Variants in KIF5C observed in about 807,000 individuals in gnomAD.
KIF5C encodes the protein kinesin family member 5C.
Under a neutral mutation model 125.2 loss-of-function variants are expected in KIF5C, and 18 were observed. That is an observed-to-expected ratio of 0.14 (90% CI 0.10 to 0.21). KIF5C has a LOEUF of 0.21. KIF5C is among the 10% of genes least tolerant of loss of function. KIF5C has a pLI of 1.00. For synonymous variants in KIF5C, 405 were observed against 434.0 expected (o/e 0.93, Z 0.83); for missense variants, 780 against 1,183.8 (o/e 0.66, Z 5.01).
At chr2:149,022,121 C>G (rs147093787) in intron 25 of KIF5C, among the ~76,000 whole-genome samples, 2 of 152,236 alleles carry the variant, frequency 1.3e-5, no homozygotes, top group Non-Finnish European at 2.9e-5. Flanking sequence ...CGAAGCATAC[C>G]TTTGGGAACT....
At chr2:148,937,232 A>C (rs373694182) in intron 3 of KIF5C, 52 bp from the exon 4 acceptor site, 2 of 1,547,120 alleles carry the variant, frequency 1.3e-6, no homozygotes, top group Admixed American at 3.9e-5. Context: ...CCTCTCTCTC[A>C]TGTGTCTCCC....
At chr2:148,941,293 C>A (rs868267611) in intron 4 of KIF5C, among the ~76,000 whole-genome samples, 2 of 152,172 alleles carry the variant, frequency 1.3e-5, no homozygotes, top group South Asian at 4.1e-4. Context: ...GTTTTCTAAG[C>A]GTGCTTGGTG....
intron 22 of KIF5C, among the ~76,000 whole-genome samples, chr2:149,007,430 C>A (rs2105195840): frequency 6.6e-6 from 1 of 152,236 alleles, no homozygotes; most frequent in East Asian, 1.9e-4. Flanking sequence ...CACCCGGATG[C>A]TATGATTAAT....
At chr2:148,918,515 G>T (rs2105077274) in intron 1 of KIF5C, among the ~76,000 whole-genome samples, 1 of 152,322 alleles carries the variant, frequency 6.6e-6, no homozygotes, top group Non-Finnish European at 1.5e-5. Context: ...CTAGGACCAT[G>T]AAAACTTTCA....
chr2:149,024,094 A>C lies in KIF5C; in HGVS notation c.*1024A>C, dbSNP rs1304272281. On this transcript the variant is annotated 3_prime_UTR_variant, in exon 26 of 26. Transcript: ENST00000435030. ...GTTGCCATGAATAAGTTATTATTTT[A>C]ACCCATAATTGGCGACTGTTTATAT... 6.6e-6 allele frequency: 1 copy of C among 152,452 alleles called. No individual in the cohort carries two copies. Among genetic ancestry groups the C allele is most frequent in the Non-Finnish European group, 1.5e-5 (1 of 68,018 alleles). The allele number at this position is 152,452 out of a possible 1,614,324, so 9.4% of individuals were successfully genotyped here.
intron 1 of KIF5C, among the ~76,000 whole-genome samples, chr2:148,913,237 G>A (rs1375051622): frequency 2.0e-5 from 3 of 152,160 alleles, no homozygotes; most frequent in Non-Finnish European, 4.4e-5. Context: ...GCAATATGGT[G>A]TTATGGGTAG....
intron 18 of KIF5C, chr2:148,998,058 G>A: frequency 3.1e-6 from 1 of 325,266 alleles, no homozygotes; most frequent in South Asian, 3.6e-5. Context: ...CAGGTTACAG[G>A]CTTATCTGGA....
chr2:148,988,679 TCTC>T (rs1400077223), intron 15 of KIF5C, among the ~76,000 whole-genome samples: 1 of 152,180 alleles, frequency 6.6e-6, no homozygotes, highest in Non-Finnish European at 1.5e-5. Flanking sequence ...TTCTCATCCT[TCTC>T]CTACACTGGA....
At chr2:148,926,605 T>C (rs1445620714) in intron 2 of KIF5C, among the ~76,000 whole-genome samples, 1 of 152,152 alleles carries the variant, frequency 6.6e-6, no homozygotes, top group African/African-American at 2.4e-5. Flanking sequence ...CCTCTGCCTG[T>C]GGTCGCGGTG....
chr2:149,008,201 A>G, intron 23 of KIF5C, 134 bp downstream of exon 23: 1 of 1,149,396 alleles, frequency 8.7e-7, no homozygotes, highest in Non-Finnish European at 1.1e-6. Context: ...AGAGGACATG[A>G]GGGCTGGAAA....
intron 1 of KIF5C, among the ~76,000 whole-genome samples, chr2:148,908,933 GCA>G (rs1174907131): frequency 6.6e-6 from 1 of 152,156 alleles, no homozygotes; most frequent in East Asian, 1.9e-4. Context: ...GGCCAGTATG[GCA>G]CAAAAGCAGT....
intron 2 of KIF5C, among the ~76,000 whole-genome samples, chr2:148,928,173 C>T (rs1014064547): frequency 1.6e-4 from 25 of 152,058 alleles, no homozygotes; most frequent in African/African-American, 5.3e-4. Flanking sequence ...CAAAAACAAA[C>T]CAGCATCATA....
chr2:148,913,138 A>G (rs1681407302), intron 1 of KIF5C, among the ~76,000 whole-genome samples: 1 of 152,224 alleles, frequency 6.6e-6, no homozygotes, highest in East Asian at 1.9e-4. Flanking sequence ...GAAGCAAGCC[A>G]TTGCACTCTA....
chr2:148,936,131 A>G (rs1682284912), intron 3 of KIF5C, among the ~76,000 whole-genome samples: 1 of 152,144 alleles, frequency 6.6e-6, no homozygotes, highest in Admixed American at 6.5e-5. Context: ...TCTACAAAAA[A>G]TACAAAAAAT....
At chr2:148,875,787 A>T in intron 1 of KIF5C, 44 bp downstream of exon 1, 1 of 1,572,710 alleles carries the variant, frequency 6.4e-7, no homozygotes, top group African/African-American at 1.3e-5. Context: ...TCCGCGCCGC[A>T]GCTGGGCGCC....
rs949363323 is a variant in KIF5C at position 148,942,653 on chromosome 2, C to G, written c.502-20C>G. ...CTTTTCAACTCTTTCAGTGGTGAAC[C>G]TGAACTGATTCTCTTCCAGGGGTGC... On this transcript the variant is annotated intron_variant, in intron 6 of 25. Transcript: ENST00000435030. The G allele has an allele frequency of 3.7e-6, 6 of 1,601,516 alleles. No individual in the cohort carries two copies.
At chr2:148,881,111 G>A (rs1303455582) in intron 1 of KIF5C, among the ~76,000 whole-genome samples, 6 of 152,018 alleles carry the variant, frequency 3.9e-5, no homozygotes, top group African/African-American at 4.8e-5. Flanking sequence ...CTCAATAGGC[G>A]CTGATTACCT....
intron 25 of KIF5C, among the ~76,000 whole-genome samples, chr2:149,013,412 A>G (rs1375105453): frequency 3.9e-5 from 6 of 152,290 alleles, no homozygotes; most frequent in South Asian, 4.1e-4. Context: ...GCCCCATGCA[A>G]TGCTGATGCC....
intron 1 of KIF5C, among the ~76,000 whole-genome samples, chr2:148,903,374 T>C (rs1302893982): frequency 6.6e-6 from 1 of 152,212 alleles, no homozygotes; most frequent in Non-Finnish European, 1.5e-5. Flanking sequence ...CTGTTTCCCG[T>C]GCCCTTCTCC....
Sources: gnomAD v4.1 joint callset for allele counts (sites outside exome capture counted in the v4.1 genomes callset) on GRCh38, gnomAD v4.1.1 for gene constraint, MANE v1.5 for transcripts, NCBI Gene and HGNC (gene_info 2026-07-23, HGNC 2026-07-21) for gene names.